The following CDH11 variants were observed in gnomAD, a reference collection of about 807,000 sequenced individuals.
CDH11 encodes the protein cadherin 11.
CDH11 carries 11 observed loss-of-function variants against 67.8 expected under a neutral mutation model. That is an observed-to-expected ratio of 0.16 (90% CI 0.10 to 0.27). The LOEUF is 0.27. Among genes scored for constraint, CDH11 ranks in the 10% least tolerant of loss-of-function variants. CDH11 has a pLI of 1.00. For missense variants in CDH11, 847 were observed against 1,031.2 expected, an observed-to-expected ratio of 0.82 and a Z score of 2.45; for synonymous variants, 419 against 400.0, an observed-to-expected ratio of 1.05 and a Z score of -0.57.
intron 1 of CDH11, among the ~76,000 whole-genome samples, chr16:65,088,577 A>T (rs1465031324): frequency 6.6e-6 from 1 of 152,210 alleles, no homozygotes; most frequent in Non-Finnish European, 1.5e-5. Flanking sequence ...GTATGAATGA[A>T]CTGTTACTAT....
chr16:65,024,795 G>A (rs1276212296), intron 2 of CDH11, among the ~76,000 whole-genome samples: 1 of 152,162 alleles, frequency 6.6e-6, no homozygotes, highest in Non-Finnish European at 1.5e-5. Flanking sequence ...GAAAAGCTGG[G>A]TAACATGAGT....
chr16:65,023,877 T>G (rs1011075229), intron 2 of CDH11, among the ~76,000 whole-genome samples: 14 of 152,182 alleles, frequency 9.2e-5, no homozygotes, highest in African/African-American at 3.4e-4. Flanking sequence ...CCATATCCCT[T>G]CATCAGCAGG....
chr16:65,091,961 T>C (rs751419281), intron 1 of CDH11, among the ~76,000 whole-genome samples: 10 of 152,214 alleles, frequency 6.6e-5, no homozygotes, highest in Non-Finnish European at 1.2e-4. Flanking sequence ...TAATAAATAA[T>C]GTCACCTCCC....
chr16:64,974,649 A>T (rs2072112481), intron 8 of CDH11, among the ~76,000 whole-genome samples: 1 of 152,190 alleles, frequency 6.6e-6, no homozygotes, highest in Non-Finnish European at 1.5e-5. Flanking sequence ...GCACAGTGAC[A>T]AAACCAAAGA....
At chr16:64,979,728 C>T (rs1292321095) in intron 8 of CDH11, among the ~76,000 whole-genome samples, 1 of 151,928 alleles carries the variant, frequency 6.6e-6, no homozygotes, top group Non-Finnish European at 1.5e-5. Flanking sequence ...AGGTATATGC[C>T]CAGGAAAGAG....
At chr16:65,119,880 C>T (rs1202432852) in intron 1 of CDH11, among the ~76,000 whole-genome samples, 2 of 152,204 alleles carry the variant, frequency 1.3e-5, no homozygotes, top group African/African-American at 4.8e-5. Flanking sequence ...TCCCTGGTCT[C>T]TACTGAAAAG....
intron 1 of CDH11, among the ~76,000 whole-genome samples, chr16:65,097,221 C>T (rs140625014): frequency 6.1e-4 from 93 of 152,248 alleles, no homozygotes; most frequent in East Asian, 2.5e-3. Context: ...AAATAATATA[C>T]GTGTTGTAAA....
intron 3 of CDH11, among the ~76,000 whole-genome samples, chr16:64,999,786 T>C: frequency 6.6e-6 from 1 of 152,138 alleles, no homozygotes; most frequent in Non-Finnish European, 1.5e-5. Context: ...CTGCCTGCCT[T>C]GGCCTCCCAA....
At chr16:65,080,299 C>G (rs1282613808) in intron 1 of CDH11, among the ~76,000 whole-genome samples, 1 of 151,558 alleles carries the variant, frequency 6.6e-6, no homozygotes. Flanking sequence ...AAAAAAAAAC[C>G]TGTGCATTAA....
intron 1 of CDH11, among the ~76,000 whole-genome samples, chr16:65,084,657 C>A (rs1392355991): frequency 6.6e-6 from 1 of 152,054 alleles, no homozygotes; most frequent in African/African-American, 2.4e-5. Context: ...GGTTTAAGAT[C>A]CTCACAGAGG....
At chr16:64,960,848 G>T (rs2071654201) in intron 11 of CDH11, among the ~76,000 whole-genome samples, 1 of 152,000 alleles carries the variant, frequency 6.6e-6, no homozygotes, top group Admixed American at 6.6e-5. Context: ...GAGAGAGAGA[G>T]GCATTGTCCA....
chr16:64,984,163 C>T (rs560387196), intron 7 of CDH11, among the ~76,000 whole-genome samples: 3 of 152,180 alleles, frequency 2.0e-5, no homozygotes, highest in Non-Finnish European at 4.4e-5. Context: ...CCTCAACAGC[C>T]CCAGATAGAT....
chr16:65,040,147 C>A (rs1452415129), intron 2 of CDH11, among the ~76,000 whole-genome samples: 3 of 152,268 alleles, frequency 2.0e-5, no homozygotes, highest in Middle Eastern at 3.4e-3. Flanking sequence ...GTCAGTGGGG[C>A]AATTTCTCAG....
chr16:65,043,881 A>G (rs1266323116), intron 2 of CDH11, among the ~76,000 whole-genome samples: 4 of 151,700 alleles, frequency 2.6e-5, no homozygotes, highest in Non-Finnish European at 5.9e-5. Context: ...ATTACGTGTG[A>G]CTCTGGGCAG....
intron 1 of CDH11, among the ~76,000 whole-genome samples, chr16:65,092,312 A>G (rs2074805502): frequency 6.6e-6 from 1 of 152,228 alleles, no homozygotes; most frequent in South Asian, 2.1e-4. Flanking sequence ...AATCTAGATG[A>G]GAATTAAAAA....
intron 7 of CDH11, chr16:64,984,616 T>C (rs1412867012): frequency 1.3e-5 from 2 of 152,120 alleles, no homozygotes; most frequent in African/African-American, 4.8e-5. Flanking sequence ...AAACAAACAA[T>C]ATTCAAAAAT....
At chr16:64,948,667 AC>A (rs1315953324) in intron 12 of CDH11, 3 of 1,610,656 alleles carry the variant, frequency 1.9e-6, no homozygotes, top group Admixed American at 1.7e-5. Context: ...TTTTATAAAG[AC>A]CCCCAGAAGA....
chr16:65,066,311 C>T (rs533854606), intron 1 of CDH11, among the ~76,000 whole-genome samples: 2 of 152,216 alleles, frequency 1.3e-5, no homozygotes, highest in East Asian at 3.8e-4. Flanking sequence ...AAAGCTTACA[C>T]TGTGGCATCA....
At position 64,965,392 on chromosome 16, in the gene CDH11, C is replaced by G. The variant is rs1269215889; in HGVS notation, c.1642+6187G>C. On this transcript the variant is annotated intron_variant, in intron 11 of 12. Transcript: ENST00000268603. ...GCAAGACTCCATCTCGAAAAAAAAC[C>G]TTTTTGCTAAAAACTAAGATGTAAA... Among the ~76,000 whole-genome samples, 3 of 151,682 alleles carry G rather than the reference C, an allele frequency of 2.0e-5. No individual in the cohort carries two copies. The East Asian group carries it at 5.8e-4, about 29-fold the overall frequency.
Sources: allele counts gnomAD v4.1 joint callset (sites outside exome capture counted in the v4.1 genomes callset), GRCh38; gene constraint gnomAD v4.1.1; transcripts MANE v1.5; gene names NCBI Gene and HGNC (gene_info 2026-07-23, HGNC 2026-07-21).